Variants in PRICKLE2 observed in about 807,000 individuals in gnomAD.
PRICKLE2 encodes prickle planar cell polarity protein 2, also known as prickle-like protein 2.
A neutral mutation model predicts 81.4 loss-of-function variants in PRICKLE2; 21 were observed. That is an observed-to-expected ratio of 0.26 (90% CI 0.18 to 0.37). The LOEUF (loss-of-function observed/expected upper bound fraction) is 0.37. Ranked by LOEUF, PRICKLE2 falls within the 10% of genes least tolerant of loss-of-function variation. The pLI, the probability that PRICKLE2 is intolerant of heterozygous loss-of-function variation, is 1.00. For synonymous variants in PRICKLE2, 456 were observed against 421.5 expected, an observed-to-expected ratio of 1.08 and a Z score of -1.00; for missense variants, 940 against 1,109.0, an observed-to-expected ratio of 0.85 and a Z score of 2.16.
chr3:64,183,642 T>C (rs1184254466), intron 2 of PRICKLE2, among the ~76,000 whole-genome samples: 4 of 152,164 alleles, frequency 2.6e-5, no homozygotes, highest in African/African-American at 4.8e-5. Flanking sequence ...GCAATAGTAA[T>C]TACTGTTCAT....
Position 64,147,549 on chromosome 3 carries a change from T to C in PRICKLE2, c.941A>G (p.Glu314Gly), listed in dbSNP as rs376936937. The change falls in exon 7 of 8, where the codon GAA becomes GGA. Residue 314 changes from glutamate to glycine, a missense_variant. Glu to Gly is a moderately conservative substitution (Grantham distance 98). This residue lies in a region of PRICKLE2 where 670 missense variants were observed against 717.2 expected (regional missense o/e 0.93). Coordinates refer to ENST00000638394, the MANE Select transcript of PRICKLE2 (RefSeq NM_198859.4). This position sits in a 1 kb window ranked among gnomAD's most constrained non-coding sequence, Gnocchi z 5.0. ...AGAGGAGTCAGAACCATTGGGGTCT[T>C]CCCCAGCACTGCAGGCCCGTGAGCA... ...IFCSRACSAG[E>G]DPNGSDSSDS... is the part of the protein sequence containing the mutation. The C allele has an allele frequency of 6.2e-7, 1 of 1,614,206 alleles. No individual in the cohort carries two copies. The highest frequency in any genetic ancestry group is 1.3e-5 in the African/African-American group (1 of 75,058).
intron 2 of PRICKLE2, among the ~76,000 whole-genome samples, chr3:64,260,471 A>T (rs2079599944): frequency 6.6e-6 from 1 of 152,340 alleles, no homozygotes. Flanking sequence ...CAATCGCAGC[A>T]CTATTTCCCT....
rs1424311933 is a variant in PRICKLE2, at chr3:64,248,696, A to G, written c.129-49729T>C. ...CAAAAAAACCATTACTTCCCTCCCC[A>G]TCCCATTCCATACTGCAAAATGTGG... On this transcript the variant is annotated intron_variant, in intron 2 of 8. Transcript: ENST00000295902. Among the ~76,000 whole-genome samples the G allele has an allele frequency of 4.6e-5, 7 of 151,964 alleles. No individual in the cohort carries two copies. In the East Asian group the frequency reaches 1.2e-3, roughly 25 times the overall value.
intron 1 of PRICKLE2, among the ~76,000 whole-genome samples, chr3:64,217,590 T>C (rs1183614735): frequency 1.3e-5 from 2 of 152,198 alleles, no homozygotes; most frequent in East Asian, 1.9e-4. Context: ...ACGTATTTAC[T>C]AAACTGGAAA....
chr3:64,154,727 T>C (rs899268754), intron 5 of PRICKLE2: 5 of 152,210 alleles, frequency 3.3e-5, no homozygotes, highest in African/African-American at 9.6e-5. Context: ...TTAAAAACTT[T>C]ATGCTTCAAA....
At chr3:64,217,933 T>C (rs1432613051) in intron 1 of PRICKLE2, among the ~76,000 whole-genome samples, 2 of 152,214 alleles carry the variant, frequency 1.3e-5, no homozygotes, top group Non-Finnish European at 2.9e-5. Flanking sequence ...CTCTTCGGGC[T>C]TCCTTACAAA....
rs142487781 is a variant in PRICKLE2, at chr3:64,231,491, T to C, written c.129-32524A>G. On this transcript the variant is annotated intron_variant, in intron 2 of 8. Transcript: ENST00000295902. ...GGACTAGGAGAACAACAAAGATCTG[T>C]ACAGGGATGCTCTGGTTTTTCAGTA... 1.8e-4 allele frequency among the ~76,000 whole-genome samples: 27 copies of C among 152,316 alleles called. No individual in the cohort carries two copies. In the East Asian group the frequency reaches 4.8e-3, roughly 27 times the overall value.
At chr3:64,154,389 A>C (rs1575597242) in intron 5 of PRICKLE2, 3 of 151,448 alleles carry the variant, frequency 2.0e-5, no homozygotes, top group African/African-American at 7.3e-5. Context: ...AATACAAAAA[A>C]AAAAAAAATA....
At chr3:64,154,399 A>T (rs1299826272) in intron 5 of PRICKLE2, 1 of 147,432 alleles carries the variant, frequency 6.8e-6, no homozygotes, top group East Asian at 1.9e-4. Flanking sequence ...AAAAAAAAAT[A>T]GCCAGGTGTG....
Position 64,230,646 on chromosome 3 carries a change from A to C in PRICKLE2, c.129-31679T>G, listed in dbSNP as rs2079089430. 3.3e-5 allele frequency among the ~76,000 whole-genome samples: 5 copies of C among 152,294 alleles called. No individual in the cohort carries two copies. The South Asian group carries it at 1.0e-3, about 32-fold the overall frequency. ...GCAACGGGCAGAGTATTGTCATTGA[A>C]AAACTCCAACAAAAAAGACCTGAAT... is the stretch of plus-strand genomic sequence containing the variant. On this transcript the variant is annotated intron_variant, in intron 2 of 8. Transcript: ENST00000295902.
intron 1 of PRICKLE2, among the ~76,000 whole-genome samples, chr3:64,211,904 CA>C (rs2078794769): frequency 6.6e-6 from 1 of 152,112 alleles, no homozygotes; most frequent in Non-Finnish European, 1.5e-5. Context: ...AAAGTCATGG[CA>C]GGGGGAGAGA....
intron 2 of PRICKLE2, among the ~76,000 whole-genome samples, chr3:64,179,235 C>T (rs2078084243): frequency 1.3e-5 from 2 of 151,860 alleles, no homozygotes; most frequent in African/African-American, 2.4e-5. Context: ...TACCACCATG[C>T]CTGGCTAATT....
At chr3:64,246,481 G>A (rs952647253) in intron 2 of PRICKLE2, among the ~76,000 whole-genome samples, 12 of 151,988 alleles carry the variant, frequency 7.9e-5, no homozygotes, top group Admixed American at 3.3e-4. Context: ...TTTGATCTTC[G>A]TATTTCTCTA....
At chr3:64,115,146 A>T (rs1241257493) in intron 7 of PRICKLE2, among the ~76,000 whole-genome samples, 1 of 152,184 alleles carries the variant, frequency 6.6e-6, no homozygotes, top group African/African-American at 2.4e-5. Context: ...AGACAAGCAA[A>T]TGCTGAGGGA....
At chr3:64,183,950 T>C (rs2078177509) in intron 2 of PRICKLE2, among the ~76,000 whole-genome samples, 1 of 152,196 alleles carries the variant, frequency 6.6e-6, no homozygotes, top group Non-Finnish European at 1.5e-5. Context: ...CCCTAAGCAC[T>C]GGCCCTATGC....
intron 6 of PRICKLE2, among the ~76,000 whole-genome samples, chr3:64,152,323 T>G (rs1295742041): frequency 6.6e-6 from 1 of 152,170 alleles, no homozygotes; most frequent in African/African-American, 2.4e-5. Context: ...GCCAACTTTT[T>G]TATTCCCTCC....
chr3:64,146,076 C>T (rs2077444633), intron 7 of PRICKLE2: 1 of 152,236 alleles, frequency 6.6e-6, no homozygotes, highest in African/African-American at 2.4e-5. Flanking sequence ...CATCCACTAT[C>T]TCATCCCTTT....
intron 7 of PRICKLE2, among the ~76,000 whole-genome samples, chr3:64,132,135 C>T (rs771551451): frequency 6.6e-6 from 1 of 152,226 alleles, no homozygotes; most frequent in Non-Finnish European, 1.5e-5. Flanking sequence ...CTTAGCTCAC[C>T]CATCACTTCA....
chr3:64,121,846 G>A (rs908062410), intron 7 of PRICKLE2, among the ~76,000 whole-genome samples: 3 of 152,130 alleles, frequency 2.0e-5, no homozygotes, highest in Non-Finnish European at 4.4e-5. Context: ...AGAAAAGAAT[G>A]ACTGGCTCGG....
Sources: gnomAD v4.1 joint callset for allele counts (sites outside exome capture counted in the v4.1 genomes callset) on GRCh38, gnomAD v4.1.1 for gene constraint, gnomAD v4.1.1 regional missense constraint, Gnocchi (gnomAD v3.1) non-coding constraint, MANE v1.5 for transcripts, NCBI Gene and HGNC (gene_info 2026-07-23, HGNC 2026-07-21) for gene names.